Variants in PPFIA2 observed in about 807,000 individuals in gnomAD.
The protein encoded by PPFIA2 is PPFI scaffold protein A2, also known as liprin-alpha-2.
PPFIA2 carries 46 observed loss-of-function variants against 175.5 expected under a neutral mutation model. The observed-to-expected ratio is 0.26, with a 90% CI of 0.21 to 0.34. The LOEUF (loss-of-function observed/expected upper bound fraction) is 0.34. PPFIA2 is among the 10% of genes least tolerant of loss of function. The pLI is 1.00. For missense variants in PPFIA2, 1,179 were observed against 1,506.1 expected (o/e 0.78, Z 3.60); for synonymous variants, 568 against 511.4 (o/e 1.11, Z -1.49).
chr12:81,658,102 C>T (rs758983283), intron 4 of PPFIA2, among the ~76,000 whole-genome samples: 11 of 151,972 alleles, frequency 7.2e-5, no homozygotes, highest in Non-Finnish European at 1.5e-4. Flanking sequence ...AATCCCATCT[C>T]TACTAAAAAT....
chr12:81,520,131 G>A (rs2062941205), intron 4 of PPFIA2, among the ~76,000 whole-genome samples: 1 of 152,118 alleles, frequency 6.6e-6, no homozygotes, highest in African/African-American at 2.4e-5. Context: ...GGGTTACTTG[G>A]CCCTTCTGAC....
At chr12:81,735,922 T>C (rs907898133) in intron 3 of PPFIA2, among the ~76,000 whole-genome samples, 1 of 151,974 alleles carries the variant, frequency 6.6e-6, no homozygotes, top group Non-Finnish European at 1.5e-5. Flanking sequence ...TCTCTATCAT[T>C]ATACTTGCTC....
At chr12:81,711,997 C>T (rs2077998063) in intron 3 of PPFIA2, among the ~76,000 whole-genome samples, 1 of 150,872 alleles carries the variant, frequency 6.6e-6, no homozygotes, top group African/African-American at 2.4e-5. Context: ...CAACATTGTG[C>T]AAAAGAAGAT....
At position 81,570,744 on chromosome 12, in the gene PPFIA2, A is replaced by G. The variant is rs1269777630; in HGVS notation, c.303+106047T>C. Among the ~76,000 whole-genome samples, 11 of 149,358 alleles carry G rather than the reference A, an allele frequency of 7.4e-5. No homozygotes were observed. The South Asian group carries it at 1.3e-3, about 17-fold the overall frequency. On this transcript the variant is annotated intron_variant, in intron 4 of 32. Transcript: ENST00000549396. Reference sequence around the variant, plus strand: ...TAATATATAAAATATATCAATTAATATAATTTATAGGTAAAAATTTATGTA... The same window carrying G: ...TAATATATAAAATATATCAATTAATGTAATTTATAGGTAAAAATTTATGTA...
intron 28 of PPFIA2, among the ~76,000 whole-genome samples, chr12:81,269,593 C>T (rs949045165): frequency 6.6e-6 from 1 of 152,198 alleles, no homozygotes; most frequent in African/African-American, 2.4e-5. Context: ...ATAGCACAGA[C>T]CCACAGAGGT....
In PPFIA2 at chr12:81,368,761, T is replaced by C. The variant is rs776198679; in HGVS notation, c.1446A>G (p.Leu482=). ...GAGCAGCCATTCTTTCCTTTAAGTG[T>C]AGTTGTAGGCGTTCATTGGATTCAG... is the stretch of plus-strand genomic sequence containing the variant. ...LLTESNERLQ[L]HLKERMAALE... The change falls in exon 13 of 33, where the codon CTA becomes CTG. Residue 482 remains leucine, a synonymous_variant. Coordinates refer to ENST00000549396, the MANE Select transcript of PPFIA2 (RefSeq NM_003625.5). The C allele has an allele frequency of 6.2e-7, 1 of 1,610,450 alleles. No individual in the cohort carries two copies. Among genetic ancestry groups the C allele is most frequent in the South Asian group, 1.1e-5 (1 of 90,834 alleles).
intron 4 of PPFIA2, among the ~76,000 whole-genome samples, chr12:81,549,670 G>A (rs2067572710): frequency 6.6e-6 from 1 of 151,946 alleles, no homozygotes; most frequent in Non-Finnish European, 1.5e-5. Flanking sequence ...AGGCTTTTGT[G>A]TGCTTATGAG....
At chr12:81,454,540 T>C (rs890619007) in intron 5 of PPFIA2, among the ~76,000 whole-genome samples, 5 of 152,224 alleles carry the variant, frequency 3.3e-5, no homozygotes, top group Admixed American at 1.3e-4. Context: ...TATTATATTA[T>C]CATTATTACT....
chr12:81,555,305 C>A (rs191629834), intron 4 of PPFIA2, among the ~76,000 whole-genome samples: 3 of 151,910 alleles, frequency 2.0e-5, no homozygotes, highest in African/African-American at 7.2e-5. Flanking sequence ...TATCTAAGTC[C>A]ATGATTTCAA....
At chr12:81,741,757 C>T (rs567632506) in intron 3 of PPFIA2, among the ~76,000 whole-genome samples, 1 of 151,892 alleles carries the variant, frequency 6.6e-6, no homozygotes, top group Non-Finnish European at 1.5e-5. Context: ...CCCTGCCTGA[C>T]CTCAGAGAGC....
At chr12:81,423,480 G>A (rs542989411) in intron 7 of PPFIA2, among the ~76,000 whole-genome samples, 1 of 152,128 alleles carries the variant, frequency 6.6e-6, no homozygotes, top group African/African-American at 2.4e-5. Flanking sequence ...CAACACATCA[G>A]CAAAATTTTT....
intron 1 of PPFIA2, 185 bp downstream of exon 1, chr12:81,759,095 G>C (rs945774047): frequency 6.6e-6 from 1 of 151,992 alleles, no homozygotes; most frequent in South Asian, 2.1e-4. Flanking sequence ...GCGCGCTCCC[G>C]TGTCTCGTTT....
intron 4 of PPFIA2, among the ~76,000 whole-genome samples, chr12:81,581,709 A>C (rs2074427008): frequency 7.5e-6 from 1 of 133,666 alleles, no homozygotes; most frequent in African/African-American, 2.9e-5. Flanking sequence ...TAGTCACGTG[A>C]GTCAAACAAA....
intron 4 of PPFIA2, among the ~76,000 whole-genome samples, chr12:81,582,663 T>C (rs1220322627): frequency 6.6e-6 from 1 of 151,862 alleles, no homozygotes; most frequent in Non-Finnish European, 1.5e-5. Flanking sequence ...TATGTAAAAG[T>C]TAAATTTGGG....
intron 8 of PPFIA2, among the ~76,000 whole-genome samples, chr12:81,389,724 A>C (rs958606191): frequency 6.6e-6 from 1 of 152,088 alleles, no homozygotes; most frequent in Non-Finnish European, 1.5e-5. Flanking sequence ...CCTTTAAAAT[A>C]AATTGTGGCA....
intron 3 of PPFIA2, among the ~76,000 whole-genome samples, chr12:81,680,376 G>T (rs1454683916): frequency 1.3e-5 from 2 of 151,914 alleles, no homozygotes; most frequent in Non-Finnish European, 2.9e-5. Context: ...TAGTTTACAT[G>T]ACTCATACAG....
intron 4 of PPFIA2, among the ~76,000 whole-genome samples, chr12:81,602,349 T>A (rs1307347943): frequency 6.6e-6 from 1 of 151,864 alleles, no homozygotes; most frequent in African/African-American, 2.4e-5. Context: ...AATTCAAACA[T>A]CCTATTAGAA....
chr12:81,412,467 A>T (rs1460549394), intron 7 of PPFIA2, among the ~76,000 whole-genome samples: 1 of 151,900 alleles, frequency 6.6e-6, no homozygotes, highest in Non-Finnish European at 1.5e-5. Flanking sequence ...TAAACTTTGC[A>T]TCTACATTAT....
At chr12:81,688,514 A>G (rs896406204) in intron 3 of PPFIA2, among the ~76,000 whole-genome samples, 1 of 151,786 alleles carries the variant, frequency 6.6e-6, no homozygotes, top group Non-Finnish European at 1.5e-5. Context: ...CAAACAAATA[A>G]CTAGAAAAAT....
Sources: gnomAD v4.1 joint callset for allele counts (sites outside exome capture counted in the v4.1 genomes callset) on GRCh38, gnomAD v4.1.1 for gene constraint, MANE v1.5 for transcripts, NCBI Gene and HGNC (gene_info 2026-07-23, HGNC 2026-07-21) for gene names.